The following FSHR variants were observed in gnomAD, a reference collection of about 807,000 sequenced individuals.
FSHR encodes the protein follicle stimulating hormone receptor.
Under a neutral mutation model 52.1 loss-of-function variants are expected in FSHR, and 46 were observed. The observed-to-expected ratio is 0.88, with a 90% CI of 0.70 to 1.13. The LOEUF (loss-of-function observed/expected upper bound fraction) is 1.13. FSHR is among the 50% of genes most tolerant of loss of function. FSHR has a pLI of 0.00. For synonymous variants in FSHR, 399 were observed against 309.6 expected (o/e 1.29, Z -3.03); for missense variants, 964 against 834.6 (o/e 1.16, Z -1.91).
At chr2:48,976,049 T>A (rs1674972783) in intron 8 of FSHR, among the ~76,000 whole-genome samples, 1 of 152,218 alleles carries the variant, frequency 6.6e-6, no homozygotes, top group Non-Finnish European at 1.5e-5. Context: ...AGAGAGGGCA[T>A]CTTTGTCTTG....
intron 8 of FSHR, among the ~76,000 whole-genome samples, chr2:48,972,115 GAA>G (rs879447366): frequency 9.9e-5 from 15 of 152,080 alleles, no homozygotes; most frequent in South Asian, 8.3e-4. Flanking sequence ...GTCAGACTTT[GAA>G]TAATAAAAAT....
intron 1 of FSHR, among the ~76,000 whole-genome samples, chr2:49,147,728 A>AT (rs531585721): frequency 0.04 from 5,886 of 145,576 alleles, 337 homozygotes; most frequent in African/African-American, 0.14. Flanking sequence ...TCCTTTAGTC[A>AT]TTTTTTTTTT....
intron 2 of FSHR, among the ~76,000 whole-genome samples, chr2:49,042,747 C>T (rs1668520473): frequency 6.6e-6 from 1 of 152,090 alleles, no homozygotes; most frequent in Non-Finnish European, 1.5e-5. Context: ...TTCCTAGACT[C>T]TAGGGACAGG....
At chr2:49,056,315 C>G (rs1308100015) in intron 2 of FSHR, among the ~76,000 whole-genome samples, 2 of 150,946 alleles carry the variant, frequency 1.3e-5, no homozygotes, top group African/African-American at 4.9e-5. Flanking sequence ...TAAACAAAAC[C>G]CTAAAGTGAG....
intron 2 of FSHR, among the ~76,000 whole-genome samples, chr2:49,029,570 G>A (rs774036046): frequency 1.3e-5 from 2 of 152,164 alleles, no homozygotes; most frequent in Non-Finnish European, 2.9e-5. Context: ...ATGTGTGAAG[G>A]TCCTCTGTCC....
intron 4 of FSHR, among the ~76,000 whole-genome samples, chr2:48,999,090 TGG>T (rs1676148129): frequency 6.6e-6 from 1 of 152,020 alleles, no homozygotes; most frequent in African/African-American, 2.4e-5. Flanking sequence ...ATACTTTGCT[TGG>T]GAAAAGAAGC....
intron 1 of FSHR, among the ~76,000 whole-genome samples, chr2:49,081,258 C>T (rs531740644): frequency 3.9e-5 from 6 of 152,018 alleles, no homozygotes; most frequent in African/African-American, 1.4e-4. Flanking sequence ...ATATATATCT[C>T]TTAAAAAATT....
chr2:48,972,476 T>C (rs2104020003), intron 8 of FSHR, among the ~76,000 whole-genome samples: 1 of 152,356 alleles, frequency 6.6e-6, no homozygotes, highest in African/African-American at 2.4e-5. Flanking sequence ...TCTCCATTTA[T>C]ACTTCCCATT....
At chr2:49,068,144 C>T in intron 2 of FSHR, 75 bp downstream of exon 2, 1 of 1,100,318 alleles carries the variant, frequency 9.1e-7, no homozygotes, top group Non-Finnish European at 1.4e-6. Context: ...TGCAGATAGT[C>T]ATACTAGATG....
intron 1 of FSHR, among the ~76,000 whole-genome samples, chr2:49,150,668 C>G (rs888084999): frequency 6.6e-6 from 1 of 151,956 alleles, no homozygotes; most frequent in African/African-American, 2.4e-5. Context: ...ACACTATACT[C>G]CACCATCTCT....
At chr2:49,120,517 C>T (rs961636186) in intron 1 of FSHR, among the ~76,000 whole-genome samples, 14 of 152,114 alleles carry the variant, frequency 9.2e-5, no homozygotes, top group African/African-American at 3.4e-4. Flanking sequence ...TGTATTGATA[C>T]AGTGATATAA....
chr2:49,099,219 G>T (rs1032746790), intron 1 of FSHR, among the ~76,000 whole-genome samples: 1 of 152,040 alleles, frequency 6.6e-6, no homozygotes, highest in Non-Finnish European at 1.5e-5. Context: ...GAGAGACCCA[G>T]TGGAAGATAA....
chr2:49,038,524 C>T (rs1668362794), intron 2 of FSHR, among the ~76,000 whole-genome samples: 1 of 151,256 alleles, frequency 6.6e-6, no homozygotes, highest in African/African-American at 2.4e-5. Context: ...ACTCAGGAGG[C>T]TGAGGCAGGA....
At chr2:49,092,711 G>A (rs1670656230) in intron 1 of FSHR, among the ~76,000 whole-genome samples, 1 of 151,988 alleles carries the variant, frequency 6.6e-6, no homozygotes, top group Non-Finnish European at 1.5e-5. Flanking sequence ...CTGTCACACA[G>A]GCTGGAGTGC....
At chr2:49,055,150 CAT>C (rs1669009810) in intron 2 of FSHR, among the ~76,000 whole-genome samples, 1 of 151,764 alleles carries the variant, frequency 6.6e-6, no homozygotes, top group Admixed American at 6.6e-5. Flanking sequence ...GAAAACAACT[CAT>C]AACTTGAGTG....
rs1674279266 is a variant in FSHR, at chr2:48,962,679, C to A, written c.*54G>T. 5 of 1,567,924 alleles carry A rather than the reference C, an allele frequency of 3.2e-6. No individual in the cohort carries two copies. The highest frequency in any genetic ancestry group is 2.2e-5 in the East Asian group (1 of 44,558). ...TGTCAGCTCTTTGTGACATACCCTT[C>A]AAAGGCAAGACTGAATTATCATTCA... On this transcript the variant is annotated 3_prime_UTR_variant, in exon 10 of 10. Coordinates refer to ENST00000406846, the MANE Select transcript of FSHR (RefSeq NM_000145.4).
chr2:48,963,651 G>A lies in FSHR; in HGVS notation c.1170C>T (p.Ser390=). 2 of 1,614,168 alleles carry A rather than the reference G, an allele frequency of 1.2e-6. No individual in the cohort carries two copies. Among genetic ancestry groups the A allele is most frequent in the East Asian group, 2.2e-5 (1 of 44,878 alleles). Reference sequence around the variant, plus strand: ...ACCTGGGGACTGTGAGTTTATATTGGCTGGTAGTTAGGATCACTAGCACTA... The same window carrying A: ...ACCTGGGGACTGTGAGTTTATATTGACTGGTAGTTAGGATCACTAGCACTA... ...NIIVLVILTT[S]QYKLTVPRFL... is the part of the protein sequence containing the mutation. Residue 390 remains serine (S), a synonymous_variant, in exon 10 of 10, where the codon AGC becomes AGT. Transcript: ENST00000406846.
intron 1 of FSHR, among the ~76,000 whole-genome samples, chr2:49,125,987 C>T (rs746711534): frequency 6.6e-6 from 1 of 152,200 alleles, no homozygotes; most frequent in Non-Finnish European, 1.5e-5. Flanking sequence ...CTTACTCCTG[C>T]TGCCGCTTAA....
At chr2:49,023,194 C>T (rs1486207252) in intron 2 of FSHR, among the ~76,000 whole-genome samples, 4 of 152,190 alleles carry the variant, frequency 2.6e-5, no homozygotes, top group Non-Finnish European at 5.9e-5. Context: ...TTCCTATTGT[C>T]TAGCTTCTCA....
Sources: allele counts gnomAD v4.1 joint callset (sites outside exome capture counted in the v4.1 genomes callset), GRCh38; gene constraint gnomAD v4.1.1; transcripts MANE v1.5; gene names NCBI Gene and HGNC (gene_info 2026-07-23, HGNC 2026-07-21).